ATP10A: variants seen among roughly 807,000 people sequenced by gnomAD.
The protein encoded by ATP10A is phospholipid-transporting ATPase VA.
ATP10A carries 111 observed loss-of-function variants against 147.8 expected under a neutral mutation model. That is an observed-to-expected ratio of 0.75 (90% CI 0.64 to 0.88). The LOEUF (loss-of-function observed/expected upper bound fraction) is 0.88, where lower values mean the gene tolerates loss of function less well. ATP10A is among the 40% of genes least tolerant of loss of function. The pLI, the probability that ATP10A is intolerant of heterozygous loss-of-function variation, is 0.00. For synonymous variants in ATP10A, 875 were observed against 841.6 expected, an observed-to-expected ratio of 1.04 and a Z score of -0.69; for missense variants, 1,927 against 1,959.0, an observed-to-expected ratio of 0.98 and a Z score of 0.31.
At position 25,688,780 on chromosome 15, in the gene ATP10A, A is replaced by G. The variant is rs115863133; in HGVS notation, c.3166-952T>C. 4.4e-3 allele frequency among the ~76,000 whole-genome samples: 666 copies of G among 152,332 alleles called. 10 individuals carry two copies. The highest frequency in any genetic ancestry group is 0.015 in the African/African-American group (639 of 41,574). On this transcript the variant is annotated intron_variant, in intron 15 of 20. Coordinates refer to ENST00000555815, the MANE Select transcript of ATP10A (RefSeq NM_024490.4). ...AGTGTCATGATACACAAAACCTTAG[A>G]ACATCAATTTTCTGAACCAAAAGTT... is the stretch of plus-strand genomic sequence containing the variant.
chr15:25,693,761 G>A (rs1900160666), intron 14 of ATP10A, among the ~76,000 whole-genome samples: 1 of 152,204 alleles, frequency 6.6e-6, no homozygotes, highest in South Asian at 2.1e-4. Context: ...GCCTCAGGGT[G>A]TGTAGGGCAG....
At chr15:25,767,498 T>C (rs1376869808) in intron 2 of ATP10A, among the ~76,000 whole-genome samples, 1 of 152,174 alleles carries the variant, frequency 6.6e-6, no homozygotes, top group Non-Finnish European at 1.5e-5. Flanking sequence ...ACTGGCTGCA[T>C]AGTAGGGTGA....
At chr15:25,674,816 C>T (rs1899105260), downstream of ATP10A, among the ~76,000 whole-genome samples, 1 of 152,238 alleles carries the variant, frequency 6.6e-6, no homozygotes, top group Admixed American at 6.5e-5. Flanking sequence ...TTAGAGAAGG[C>T]AGCTGTGCTG....
chr15:25,825,819 AAGAAAAGAAAGTCCATGCACAC>A (rs1257524351), intron 1 of ATP10A, among the ~76,000 whole-genome samples: 2 of 152,216 alleles, frequency 1.3e-5, no homozygotes, highest in African/African-American at 4.8e-5. Flanking sequence ...GCCAACAAAT[AAGAAAAGAAAGTCCATGCACAC>A]AGGAAAAATT....
intron 12 of ATP10A, 126 bp from the exon 13 acceptor site, chr15:25,702,226 C>T: frequency 1.0e-6 from 1 of 981,174 alleles, no homozygotes. Context: ...TTGCCTGGGC[C>T]TTGCCAGGGG....
chr15:25,809,057 G>A (rs1311792031), intron 1 of ATP10A, among the ~76,000 whole-genome samples: 4 of 152,168 alleles, frequency 2.6e-5, no homozygotes, highest in African/African-American at 4.8e-5. Context: ...CACAGGGTTG[G>A]GAGAGGGGAC....
chr15:25,838,567 T>A (rs1892681895), intron 1 of ATP10A, among the ~76,000 whole-genome samples: 1 of 152,206 alleles, frequency 6.6e-6, no homozygotes, highest in African/African-American at 2.4e-5. Flanking sequence ...TGTCGCCCTT[T>A]AATCTCCATC....
At chr15:25,700,354 A>G (rs1478671982) in intron 13 of ATP10A, among the ~76,000 whole-genome samples, 2 of 152,264 alleles carry the variant, frequency 1.3e-5, no homozygotes, top group Non-Finnish European at 2.9e-5. Context: ...TAAAGAAATG[A>G]AAACATGTTC....
At chr15:25,765,492 G>A (rs978496439) in intron 2 of ATP10A, among the ~76,000 whole-genome samples, 2 of 152,096 alleles carry the variant, frequency 1.3e-5, no homozygotes, top group Non-Finnish European at 1.5e-5. Flanking sequence ...AATTCTGCCC[G>A]TGTAGAGCCT....
At chr15:25,823,692 C>A (rs4906784) in intron 1 of ATP10A, among the ~76,000 whole-genome samples, 1 of 152,312 alleles carries the variant, frequency 6.6e-6, no homozygotes, top group African/African-American at 2.4e-5. Flanking sequence ...ATAAGGCAAG[C>A]AAAAAATTTT....
intron 2 of ATP10A, among the ~76,000 whole-genome samples, chr15:25,780,814 A>G (rs1889882834): frequency 6.6e-6 from 1 of 152,214 alleles, no homozygotes; most frequent in Admixed American, 6.5e-5. Flanking sequence ...GAGTCAGAGA[A>G]ACTGAATCCT....
At chr15:25,864,171 G>C (rs1893898139), upstream of ATP10A, among the ~76,000 whole-genome samples, 1 of 152,090 alleles carries the variant, frequency 6.6e-6, no homozygotes, top group South Asian at 2.1e-4. Flanking sequence ...AGCGTCAGGA[G>C]GGTGTCCCAG....
intron 1 of ATP10A, among the ~76,000 whole-genome samples, chr15:25,851,254 G>C (rs1893283513): frequency 6.6e-6 from 1 of 152,094 alleles, no homozygotes; most frequent in East Asian, 1.9e-4. Context: ...GGCCTCCAAA[G>C]CACCTACTAA....
intron 3 of ATP10A, among the ~76,000 whole-genome samples, chr15:25,733,175 G>T (rs558528906): frequency 6.6e-6 from 1 of 152,146 alleles, no homozygotes; most frequent in African/African-American, 2.4e-5. Flanking sequence ...AGGAGGTTAC[G>T]GGGCAGCAGC....
chr15:25,773,545 G>T (rs1010785613), intron 2 of ATP10A, among the ~76,000 whole-genome samples: 3 of 152,064 alleles, frequency 2.0e-5, no homozygotes, highest in East Asian at 3.9e-4. Flanking sequence ...CTCACAGCAG[G>T]TCCTCAATAG....
chr15:25,862,665 G>A lies in ATP10A; in HGVS notation c.432C>T (p.Gly144=). ...CAACTCACCTGCTGAAGACCAGGCA[G>A]CCCAGGTGGTTGATCTTGTGGTCGG... The part of the protein sequence containing the change: ...HRSDHKINHL[G]CLVFSREEKK... The change falls in exon 1 of 21, where the codon GGC becomes GGT. Residue 144 remains glycine (G), a synonymous_variant. Coordinates refer to ENST00000555815, the MANE Select transcript of ATP10A (RefSeq NM_024490.4). The A allele has an allele frequency of 6.3e-7, 1 of 1,593,252 alleles. No individual in the cohort carries two copies.
At chr15:25,815,996 A>G (rs2140832246) in intron 1 of ATP10A, among the ~76,000 whole-genome samples, 1 of 150,966 alleles carries the variant, frequency 6.6e-6, no homozygotes, top group Admixed American at 6.7e-5. Flanking sequence ...AATTACTTAG[A>G]TATTTTTAAA....
Position 25,793,795 on chromosome 15 carries a change from C to A in ATP10A, c.450-12572G>T, listed in dbSNP as rs187412109. ...AAATCAGCCTGGGGAACCAGGGCAT[C>A]CAGTCGCCTTTGCATGCACAGTTGA... On this transcript the variant is annotated intron_variant, in intron 1 of 20. Coordinates refer to ENST00000555815, the MANE Select transcript of ATP10A (RefSeq NM_024490.4). Among the ~76,000 whole-genome samples the A allele has an allele frequency of 2.2e-4, 33 of 152,326 alleles. No individual in the cohort carries two copies. The East Asian group carries it at 6.2e-3, about 29-fold the overall frequency.
chr15:25,712,937 C>A (rs933740828), intron 10 of ATP10A, among the ~76,000 whole-genome samples: 1 of 152,196 alleles, frequency 6.6e-6, no homozygotes, highest in African/African-American at 2.4e-5. Flanking sequence ...GCAAGAAAGG[C>A]CAGTGGGAGG....
Sources: allele counts gnomAD v4.1 joint callset (sites outside exome capture counted in the v4.1 genomes callset), GRCh38; gene constraint gnomAD v4.1.1; transcripts MANE v1.5; gene names NCBI Gene and HGNC (gene_info 2026-07-23, HGNC 2026-07-21).